Variants in CDK5RAP1 observed in about 807,000 individuals in gnomAD.
CDK5RAP1 encodes CDK5RAP1 mitochondrial tRNA methylthiotransferase.
CDK5RAP1 carries 62 observed loss-of-function variants against 64.5 expected under a neutral mutation model. The ratio of observed to expected loss-of-function variants is 0.96; its 90% CI spans 0.78 to 1.19. CDK5RAP1 has a LOEUF of 1.19. Ranked by LOEUF, CDK5RAP1 falls within the 50% of genes most tolerant of loss-of-function variation. CDK5RAP1 has a pLI of 0.00. For missense variants in CDK5RAP1, 657 were observed against 735.0 expected (o/e 0.89, Z 1.23); for synonymous variants, 250 against 261.9 (o/e 0.95, Z 0.44).
At position 33,370,406 on chromosome 20, in the gene CDK5RAP1, T is replaced by C. The variant is rs1767427677; in HGVS notation, c.1392+93A>G. 16 of 1,360,994 alleles carry C rather than the reference T, an allele frequency of 1.2e-5. No individual in the cohort carries two copies. In the South Asian group the frequency reaches 2.1e-4, roughly 18 times the overall value. The allele number at this position is 1,360,994 out of a possible 1,614,324, so 84.3% of individuals were successfully genotyped here. On this transcript the variant is annotated intron_variant, in intron 11 of 13. Transcript: ENST00000346416. ...AGCCTGTGGTTTCTCAAGGACTGCCTTGCCGCCACTCTCTTTTCTGCCCTG... is the reference window on the plus strand; with the variant it reads ...AGCCTGTGGTTTCTCAAGGACTGCCCTGCCGCCACTCTCTTTTCTGCCCTG...
chr20:33,395,631 C>T (rs1393779336), intron 2 of CDK5RAP1, among the ~76,000 whole-genome samples: 1 of 152,092 alleles, frequency 6.6e-6, no homozygotes, highest in African/African-American at 2.4e-5. Flanking sequence ...CATTATATAT[C>T]CACACCAATT....
At chr20:33,360,253 T>C in intron 13 of CDK5RAP1, 98 bp downstream of exon 13, 1 of 1,211,028 alleles carries the variant, frequency 8.3e-7, no homozygotes, top group Non-Finnish European at 1.2e-6. Context: ...ATTTTTATTT[T>C]ACTAAAATGT....
At chr20:33,373,221 C>CCT (rs1568692798) in intron 9 of CDK5RAP1, 8 of 73,826 alleles carry the variant, frequency 1.1e-4, no homozygotes, top group South Asian at 8.3e-4. Context: ...CAGGTGTGTG[C>CCT]ATGTGTGTGT....
intron 12 of CDK5RAP1, among the ~76,000 whole-genome samples, chr20:33,363,600 T>TA (rs1014482594): frequency 4.3e-4 from 66 of 152,034 alleles, no homozygotes; most frequent in African/African-American, 1.5e-3. Context: ...ATTTTTTTTT[T>TA]AAAAAAAGAG....
intron 7 of CDK5RAP1, among the ~76,000 whole-genome samples, chr20:33,384,738 C>G (rs757290395): frequency 5.9e-5 from 9 of 152,010 alleles, no homozygotes; most frequent in Non-Finnish European, 1.3e-4. Flanking sequence ...CTCATCTCTA[C>G]AAATAATTAA....
chr20:33,360,424 T>C lies in CDK5RAP1; in HGVS notation c.1610A>G (p.Asp537Gly). 2 of 1,613,766 alleles carry C rather than the reference T, an allele frequency of 1.2e-6. No individual in the cohort carries two copies. Among genetic ancestry groups the C allele is most frequent in the Non-Finnish European group, 1.7e-6 (2 of 1,179,664 alleles). ...GTTATTGACATCCTCCATCTCTGCA[T>C]CAGGGAAGATCACCTTAAGGTTTCC... ...NDGNLKVIFPDAEMEDVNNPG... is the reference protein window; with the variant it reads ...NDGNLKVIFPGAEMEDVNNPG... Residue 537 changes from aspartate (D) to glycine (G), a missense_variant, in exon 13 of 14, where the codon GAT becomes GGT. By Grantham distance (94) the Asp-to-Gly change is moderately conservative (BLOSUM62 -1). Transcript: ENST00000346416.
At chr20:33,382,790 C>CG (rs955729971) in intron 7 of CDK5RAP1, among the ~76,000 whole-genome samples, 1 of 150,982 alleles carries the variant, frequency 6.6e-6, no homozygotes, top group African/African-American at 2.4e-5. Context: ...ACTTGAGTCC[C>CG]GGGGGCAGAG....
At chr20:33,360,580 C>T in intron 12 of CDK5RAP1, 89 bp from the exon 13 acceptor site, 4 of 1,205,446 alleles carry the variant, frequency 3.3e-6, no homozygotes. Flanking sequence ...TCTCGGATCC[C>T]CAAGAGTCTG....
chr20:33,378,922 GAATAT>G (rs1255361586), intron 8 of CDK5RAP1, among the ~76,000 whole-genome samples: 10 of 152,096 alleles, frequency 6.6e-5, no homozygotes, highest in Admixed American at 6.6e-4. Context: ...ACCTCCCGCT[GAATAT>G]CAGTCCTACC....
intron 1 of CDK5RAP1, among the ~76,000 whole-genome samples, chr20:33,398,206 A>G (rs1019172761): frequency 2.6e-5 from 4 of 152,118 alleles, no homozygotes; most frequent in Non-Finnish European, 4.4e-5. Flanking sequence ...GTATAAAGAC[A>G]TTCAGTCTAG....
At chr20:33,359,784 G>A (rs1356610771) in intron 13 of CDK5RAP1, 1 of 155,510 alleles carries the variant, frequency 6.4e-6, no homozygotes, top group Non-Finnish European at 1.4e-5. Flanking sequence ...ACAAGACAGG[G>A]AAGGTGGCAG....
chr20:33,379,659 A>G lies in CDK5RAP1; in HGVS notation c.909T>C (p.Asn303=). The G allele has an allele frequency of 1.2e-6, 2 of 1,614,150 alleles. No individual in the cohort carries two copies. The highest frequency in any genetic ancestry group is 2.2e-5 in the South Asian group (2 of 91,082). The change falls in exon 8 of 14, where the codon AAT becomes AAC. Residue 303 remains asparagine (N), a synonymous_variant. Coordinates refer to ENST00000346416, the MANE Select transcript of CDK5RAP1 (RefSeq NM_016408.4). The part of the protein sequence containing the change: ...GLKEVTLLGQ[N]VNSFRDNSEV... ...CCGAATTGTCCCGAAAACTATTAAC[A>G]TTCTGACCAAGAAGTGTCACTTCTT...
chr20:33,367,090 T>G (rs1226666882), intron 11 of CDK5RAP1, 82 bp from the exon 12 acceptor site: 2 of 1,332,908 alleles, frequency 1.5e-6, no homozygotes, highest in Non-Finnish European at 2.1e-6. Flanking sequence ...AGGGCGACCA[T>G]GTTCATTCTA....
At chr20:33,376,720 A>G (rs933510672) in intron 8 of CDK5RAP1, among the ~76,000 whole-genome samples, 2 of 152,246 alleles carry the variant, frequency 1.3e-5, no homozygotes, top group Non-Finnish European at 2.9e-5. Flanking sequence ...TTTAAGAAAT[A>G]TATTTCATAA....
intron 12 of CDK5RAP1, among the ~76,000 whole-genome samples, chr20:33,361,955 CA>C (rs11481557): frequency 0.21 from 17,941 of 87,400 alleles, 1,438 homozygotes; most frequent in East Asian, 0.45. Context: ...GCCTCAGTCT[CA>C]AAAAAAAAAA....
At chr20:33,363,991 G>A (rs532461560) in intron 12 of CDK5RAP1, among the ~76,000 whole-genome samples, 1 of 152,172 alleles carries the variant, frequency 6.6e-6, no homozygotes, top group South Asian at 2.1e-4. Flanking sequence ...GAACATTCAT[G>A]AGACAAACAG....
intron 12 of CDK5RAP1, 103 bp from the exon 13 acceptor site, chr20:33,360,594 C>A: frequency 9.7e-7 from 1 of 1,032,434 alleles, no homozygotes. Context: ...GAGTCTGACC[C>A]ACAGAGCATT....
At chr20:33,401,383 G>T in intron 1 of CDK5RAP1, 45 bp downstream of exon 1, 1 of 985,180 alleles carries the variant, frequency 1.0e-6, no homozygotes, top group Non-Finnish European at 1.2e-6. Flanking sequence ...CCAGGCGCCA[G>T]TCAAAAGCGG....
At chr20:33,365,682 A>G (rs1385648883) in intron 12 of CDK5RAP1, among the ~76,000 whole-genome samples, 2 of 151,484 alleles carry the variant, frequency 1.3e-5, no homozygotes, top group Non-Finnish European at 2.9e-5. Context: ...ACTCTGCCAC[A>G]CACTAGCTGT....
Sources: gnomAD v4.1 joint callset for allele counts (sites outside exome capture counted in the v4.1 genomes callset) on GRCh38, gnomAD v4.1.1 for gene constraint, MANE v1.5 for transcripts, NCBI Gene and HGNC (gene_info 2026-07-23, HGNC 2026-07-21) for gene names.